Variants in DACH1 observed in about 807,000 individuals in gnomAD.
The protein encoded by DACH1 is dachshund family transcription factor 1, also known as dachshund homolog 1.
In DACH1, 12 loss-of-function variants were observed where a neutral mutation model predicts 54.2. The observed-to-expected ratio is 0.22, with a 90% CI of 0.14 to 0.36. The LOEUF (loss-of-function observed/expected upper bound fraction) is 0.36. Ranked by LOEUF, DACH1 falls within the 10% of genes least tolerant of loss-of-function variation. The pLI is 1.00. For synonymous variants in DACH1, 386 were observed against 366.2 expected (o/e 1.05, Z -0.62); for missense variants, 805 against 929.8 (o/e 0.87, Z 1.75).
intron 10 of DACH1, among the ~76,000 whole-genome samples, chr13:71,458,806 T>C (rs986400675): frequency 1.3e-5 from 2 of 151,892 alleles, no homozygotes; most frequent in African/African-American, 4.8e-5. Flanking sequence ...GACCTAAAAT[T>C]CCTACCACAC....
At position 71,521,325 on chromosome 13, in the gene DACH1, C is replaced by G. The variant is rs183225974; in HGVS notation, c.1571-32177G>C. On this transcript the variant is annotated intron_variant, in intron 6 of 10. Coordinates refer to ENST00000613252, the MANE Select transcript of DACH1 (RefSeq NM_080759.6). ...AGGGACCATATTTTTCTTTCTGTCC[C>G]CTTTATAATAGGTTATGATTTTGTC... 7.2e-5 allele frequency among the ~76,000 whole-genome samples: 11 copies of G among 151,872 alleles called. No individual in the cohort carries two copies. The East Asian group carries it at 2.1e-3, about 29-fold the overall frequency.
intron 6 of DACH1, among the ~76,000 whole-genome samples, chr13:71,527,804 T>A (rs931629518): frequency 9.9e-5 from 15 of 152,198 alleles, no homozygotes; most frequent in Non-Finnish European, 5.9e-5. Flanking sequence ...ATATTGGCTT[T>A]TACTTATTTT....
intron 1 of DACH1, among the ~76,000 whole-genome samples, chr13:71,816,575 TATACACGTATATATATACAC>T (rs1887932803): frequency 1.5e-5 from 2 of 137,832 alleles, no homozygotes; most frequent in Admixed American, 7.5e-5. Context: ...TGTGTATATA[TATACACGTATATATATACAC>T]ACATATGTGT....
At chr13:71,561,920 C>T (rs1884608399) in intron 4 of DACH1, among the ~76,000 whole-genome samples, 1 of 151,488 alleles carries the variant, frequency 6.6e-6, no homozygotes, top group African/African-American at 2.4e-5. Flanking sequence ...TTTCCCAAAT[C>T]CATGTCATAA....
intron 10 of DACH1, among the ~76,000 whole-genome samples, chr13:71,442,969 TTAAA>T (rs1203292017): frequency 3.3e-5 from 5 of 150,852 alleles, no homozygotes; most frequent in Non-Finnish European, 5.9e-5. Flanking sequence ...TAAATATGTG[TTAAA>T]TAAATGCATT....
chr13:71,535,588 G>A (rs532060620), intron 6 of DACH1, among the ~76,000 whole-genome samples: 1 of 151,802 alleles, frequency 6.6e-6, no homozygotes, highest in Admixed American at 6.6e-5. Flanking sequence ...ATAAAGTCAG[G>A]CGCATTTTTT....
chr13:71,492,022 A>G (rs895659657), intron 6 of DACH1, among the ~76,000 whole-genome samples: 21 of 152,178 alleles, frequency 1.4e-4, no homozygotes, highest in Non-Finnish European at 2.1e-4. Flanking sequence ...TCTTTAAGAG[A>G]AAGTTGGCTA....
At chr13:71,520,686 A>G (rs1881534199) in intron 6 of DACH1, among the ~76,000 whole-genome samples, 1 of 151,882 alleles carries the variant, frequency 6.6e-6, no homozygotes, top group African/African-American at 2.4e-5. Context: ...AGTTCATCCA[A>G]GGGAGATAGT....
At chr13:71,654,759 T>G (rs1422315380) in intron 2 of DACH1, among the ~76,000 whole-genome samples, 1 of 152,148 alleles carries the variant, frequency 6.6e-6, no homozygotes, top group African/African-American at 2.4e-5. Context: ...GGCCATTATG[T>G]CACCAAATGA....
At chr13:71,466,741 G>T (rs955691462) in intron 10 of DACH1, among the ~76,000 whole-genome samples, 3 of 151,246 alleles carry the variant, frequency 2.0e-5, no homozygotes, top group Admixed American at 2.0e-4. Context: ...AAATACTCAG[G>T]ATGCTGAGGT....
Position 71,506,137 on chromosome 13 carries a change from CT to C in DACH1, c.1571-16990del, listed in dbSNP as rs564522576. On this transcript the variant is annotated intron_variant, in intron 6 of 10. Coordinates refer to ENST00000613252, the MANE Select transcript of DACH1 (RefSeq NM_080759.6). Reference sequence around the variant, plus strand: ...AAACTCACATAAAGCTCTTAAGATTCTTTTTTTTTTTATTATACTTTAAGTT... The same window carrying C: ...AAACTCACATAAAGCTCTTAAGATTCTTTTTTTTTTATTATACTTTAAGTT... Among the ~76,000 whole-genome samples the C allele has an allele frequency of 9.1e-3, 1,317 of 144,830 alleles. 14 individuals are homozygous for C. Among genetic ancestry groups the C allele is most frequent in the Admixed American group, 0.03 (432 of 14,468 alleles).
chr13:71,585,735 G>A (rs992606655), intron 3 of DACH1, among the ~76,000 whole-genome samples: 1 of 152,056 alleles, frequency 6.6e-6, no homozygotes, highest in Non-Finnish European at 1.5e-5. Context: ...ATCATCTTAG[G>A]CAGAGGAGAG....
At chr13:71,791,366 G>T (rs1886823615) in intron 1 of DACH1, among the ~76,000 whole-genome samples, 1 of 152,008 alleles carries the variant, frequency 6.6e-6, no homozygotes, top group African/African-American at 2.4e-5. Flanking sequence ...TTCTTTGTTT[G>T]TTTGTTTGGT....
chr13:71,760,295 C>T (rs1441551046), intron 1 of DACH1, among the ~76,000 whole-genome samples: 1 of 152,060 alleles, frequency 6.6e-6, no homozygotes, highest in Non-Finnish European at 1.5e-5. Flanking sequence ...AAGCGAGAGG[C>T]GAATGATTCT....
chr13:71,720,050 G>A (rs1181084472), intron 1 of DACH1, among the ~76,000 whole-genome samples: 1 of 152,142 alleles, frequency 6.6e-6, no homozygotes, highest in African/African-American at 2.4e-5. Flanking sequence ...CTAAAATGCT[G>A]TCTTTAAATT....
At chr13:71,635,533 CTT>C (rs752456690) in intron 2 of DACH1, among the ~76,000 whole-genome samples, 17 of 152,236 alleles carry the variant, frequency 1.1e-4, no homozygotes, top group Non-Finnish European at 2.4e-4. Flanking sequence ...CACAAAATAA[CTT>C]AAGTCTTTGG....
rs185669915 is a variant in DACH1 at position 71,623,461 on chromosome 13, T to C, written c.1126+7095A>G. ...ATGAAAAGGATACATAGTACCAAGG[T>C]AGAAAAAGTGGCATCATCCTTTTTT... On this transcript the variant is annotated intron_variant, in intron 3 of 10. Coordinates refer to ENST00000613252, the MANE Select transcript of DACH1 (RefSeq NM_080759.6). Among the ~76,000 whole-genome samples the C allele has an allele frequency of 1.5e-4, 23 of 151,796 alleles. 1 individual carries two copies. The highest frequency in any genetic ancestry group is 5.9e-4 in the Admixed American group (9 of 15,190).
At chr13:71,777,538 G>C (rs1051886355) in intron 1 of DACH1, among the ~76,000 whole-genome samples, 10 of 152,008 alleles carry the variant, frequency 6.6e-5, no homozygotes, top group Non-Finnish European at 8.8e-5. Context: ...ATCCTAGCTT[G>C]CTTTTAACAA....
chr13:71,678,459 C>A (rs1392416341), intron 2 of DACH1, among the ~76,000 whole-genome samples: 1 of 152,112 alleles, frequency 6.6e-6, no homozygotes, highest in Non-Finnish European at 1.5e-5. Context: ...AATAGTCAAA[C>A]TTCTGGCAAC....
Sources: gnomAD v4.1 joint callset for allele counts (sites outside exome capture counted in the v4.1 genomes callset) on GRCh38, gnomAD v4.1.1 for gene constraint, MANE v1.5 for transcripts, NCBI Gene and HGNC (gene_info 2026-07-23, HGNC 2026-07-21) for gene names.